The following RBFOX1 variants were observed in gnomAD, a reference collection of about 807,000 sequenced individuals.
The protein encoded by RBFOX1 is RNA binding protein fox-1 homolog 1.
A neutral mutation model predicts 57.7 loss-of-function variants in RBFOX1; 8 were observed. The ratio of observed to expected loss-of-function variants is 0.14; its 90% CI spans 0.08 to 0.25. RBFOX1 has a LOEUF of 0.25. Among genes scored for constraint, RBFOX1 ranks in the 10% least tolerant of loss-of-function variants. The pLI is 1.00. For synonymous variants in RBFOX1, 326 were observed against 222.4 expected (o/e 1.47, Z -4.15); for missense variants, 611 against 548.5 (o/e 1.11, Z -1.14).
chr16:7,172,556 C>T (rs2080904082), intron 4 of RBFOX1, among the ~76,000 whole-genome samples: 1 of 152,042 alleles, frequency 6.6e-6, no homozygotes, highest in Non-Finnish European at 1.5e-5. Flanking sequence ...TGCCAAGTTC[C>T]ATTAAATGTA....
chr16:6,710,508 C>T lies in RBFOX1; in HGVS notation c.-16+55858C>T, dbSNP rs999910887. 5.3e-5 allele frequency among the ~76,000 whole-genome samples: 8 copies of T among 152,182 alleles called. No individual in the cohort carries two copies. In the East Asian group the frequency reaches 1.3e-3, roughly 26 times the overall value. On this transcript the variant is annotated intron_variant, in intron 3 of 15. Coordinates refer to ENST00000550418, the MANE Select transcript of RBFOX1 (RefSeq NM_018723.4). ...CACCTCCATTTAAACTAGCCACATT[C>T]CAAGTACTCAGAACCTCAAAAGGTG... is the stretch of plus-strand genomic sequence containing the variant.
At chr16:6,342,199 G>A (rs1265169008) in intron 2 of RBFOX1, among the ~76,000 whole-genome samples, 1 of 152,168 alleles carries the variant, frequency 6.6e-6, no homozygotes, top group African/African-American at 2.4e-5. Flanking sequence ...TGGGAATGGA[G>A]GCAAGCTTGT....
At chr16:7,281,083 A>C (rs2095534808) in intron 4 of RBFOX1, among the ~76,000 whole-genome samples, 1 of 150,310 alleles carries the variant, frequency 6.7e-6, no homozygotes, top group Non-Finnish European at 1.5e-5. Context: ...GCTCACTGCA[A>C]CCTCTGCCTC....
At chr16:5,796,520 G>T (rs533097659) in intron 3 of RBFOX1, among the ~76,000 whole-genome samples, 2 of 152,118 alleles carry the variant, frequency 1.3e-5, no homozygotes, top group South Asian at 2.1e-4. Context: ...GAATGAGCTG[G>T]ATCCCAGGGA....
intron 4 of RBFOX1, among the ~76,000 whole-genome samples, chr16:7,132,779 T>C (rs1404942996): frequency 3.3e-5 from 5 of 151,980 alleles, no homozygotes; most frequent in Admixed American, 6.6e-5. Context: ...TTTCAAATAC[T>C]GAAACTCTTA....
chr16:7,029,126 ACGTATATATATATG>A, intron 3 of RBFOX1, among the ~76,000 whole-genome samples: 1 of 93,068 alleles, frequency 1.1e-5, no homozygotes, highest in African/African-American at 5.0e-5. Flanking sequence ...ACACACATAT[ACGTATATATATATG>A]TGTATATATG....
At chr16:6,228,284 C>G (rs1309984177) in intron 1 of RBFOX1, among the ~76,000 whole-genome samples, 1 of 152,094 alleles carries the variant, frequency 6.6e-6, no homozygotes, top group African/African-American at 2.4e-5. Context: ...GATCATGCCA[C>G]TGCCCTCCAG....
At chr16:5,341,809 C>G (rs892166152) in intron 1 of RBFOX1, among the ~76,000 whole-genome samples, 1 of 152,136 alleles carries the variant, frequency 6.6e-6, no homozygotes, top group Non-Finnish European at 1.5e-5. Context: ...GGAAGGGGAA[C>G]ACGGAGTTCT....
chr16:5,856,593 A>ATG (rs2057075760), intron 3 of RBFOX1, among the ~76,000 whole-genome samples: 2 of 91,820 alleles, frequency 2.2e-5, no homozygotes, highest in Admixed American at 1.4e-4. Flanking sequence ...ATATATATAT[A>ATG]TATATATATA....
chr16:6,118,912 A>G (rs2096527614), intron 1 of RBFOX1, among the ~76,000 whole-genome samples: 1 of 151,744 alleles, frequency 6.6e-6, no homozygotes, highest in Admixed American at 6.6e-5. Context: ...ATACCATCAC[A>G]TTAGTGATTA....
chr16:5,929,462 G>C (rs1296044486), intron 4 of RBFOX1, among the ~76,000 whole-genome samples: 4 of 152,162 alleles, frequency 2.6e-5, no homozygotes, highest in Non-Finnish European at 4.4e-5. Flanking sequence ...CTGGGACTCA[G>C]TTTCCTCTCC....
At chr16:5,756,246 A>C (rs945764190) in intron 3 of RBFOX1, among the ~76,000 whole-genome samples, 3 of 150,406 alleles carry the variant, frequency 2.0e-5, no homozygotes, top group Non-Finnish European at 2.9e-5. Context: ...AAAAAAAAAA[A>C]AACCCTGCAC....
At chr16:5,850,908 C>A (rs2056880652) in intron 3 of RBFOX1, among the ~76,000 whole-genome samples, 1 of 152,228 alleles carries the variant, frequency 6.6e-6, no homozygotes, top group Non-Finnish European at 1.5e-5. Flanking sequence ...AAGGCTGGGA[C>A]AGCAGGTGCG....
chr16:5,495,076 T>C (rs2042959233), intron 2 of RBFOX1, among the ~76,000 whole-genome samples: 1 of 152,182 alleles, frequency 6.6e-6, no homozygotes, highest in Non-Finnish European at 1.5e-5. Flanking sequence ...AGAGGTTTAA[T>C]TGACTTACAC....
At chr16:6,430,445 C>T (rs2094047285) in intron 2 of RBFOX1, among the ~76,000 whole-genome samples, 1 of 152,104 alleles carries the variant, frequency 6.6e-6, no homozygotes, top group South Asian at 2.1e-4. Flanking sequence ...AAGATGATGC[C>T]AGAGAAGAGC....
chr16:6,582,459 C>CA (rs1194354882), intron 2 of RBFOX1, among the ~76,000 whole-genome samples: 1 of 18,690 alleles, frequency 5.4e-5, no homozygotes, highest in Non-Finnish European at 1.2e-4. Context: ...ATGTTAGCGC[C>CA]AATTTTTTTT....
intron 5 of RBFOX1, among the ~76,000 whole-genome samples, chr16:7,566,959 C>T (rs946325411): frequency 2.6e-5 from 4 of 151,826 alleles, no homozygotes; most frequent in African/African-American, 9.7e-5. Context: ...GATTAAGAAA[C>T]ATGTATTTAC....
rs138486849 is a variant in RBFOX1 at position 5,556,768 on chromosome 16, G to GAAAAC, written c.259-42122_259-42118dup. On this transcript the variant is annotated intron_variant, in intron 2 of 2. Transcript: ENST00000585867. ...GTCCCCATGGAAAGAAAGATGCCAC[G>GAAAAC]AAAACAAAACAAAACACTGTTCTGT... 5.9e-3 allele frequency among the ~76,000 whole-genome samples: 893 copies of GAAAAC among 152,246 alleles called. 7 individuals carry two copies. Among genetic ancestry groups the GAAAAC allele is most frequent in the African/African-American group, 0.02 (835 of 41,534 alleles).
intron 3 of RBFOX1, among the ~76,000 whole-genome samples, chr16:6,907,972 A>G (rs753337126): frequency 1.3e-5 from 2 of 151,642 alleles, no homozygotes; most frequent in African/African-American, 2.4e-5. Flanking sequence ...CCCCGTGAGC[A>G]TGGATGTCTC....
Sources: allele counts gnomAD v4.1 joint callset (sites outside exome capture counted in the v4.1 genomes callset), GRCh38; gene constraint gnomAD v4.1.1; transcripts MANE v1.5; gene names NCBI Gene and HGNC (gene_info 2026-07-23, HGNC 2026-07-21).